The following TNS3 variants were observed in gnomAD, a reference collection of about 807,000 sequenced individuals.
TNS3 encodes tensin 3.
A neutral mutation model predicts 140.9 loss-of-function variants in TNS3; 45 were observed. The observed-to-expected ratio is 0.32, with a 90% confidence interval of 0.25 to 0.41. The LOEUF is 0.41. Among genes scored for constraint, TNS3 ranks in the 10% least tolerant of loss-of-function variants. TNS3 has a pLI of 1.00. For missense variants in TNS3, 1,716 were observed against 1,906.7 expected (o/e 0.90, Z 1.86); for synonymous variants, 815 against 788.4 (o/e 1.03, Z -0.56).
At chr7:47,541,670 C>T (rs1029481809) in intron 1 of TNS3, among the ~76,000 whole-genome samples, 2 of 152,024 alleles carry the variant, frequency 1.3e-5, no homozygotes, top group Non-Finnish European at 2.9e-5. Context: ...TGACCGAGGC[C>T]GGGCGCAGTG....
chr7:47,337,256 T>C (rs551965775), intron 20 of TNS3, among the ~76,000 whole-genome samples: 7 of 152,360 alleles, frequency 4.6e-5, no homozygotes, highest in Non-Finnish European at 8.8e-5. Flanking sequence ...CCTGTTGCAA[T>C]AATCCTGAAT....
chr7:47,504,133 C>A (rs890503729), intron 3 of TNS3, among the ~76,000 whole-genome samples: 1 of 152,216 alleles, frequency 6.6e-6, no homozygotes. Context: ...CTCCATCCAT[C>A]CACTGAGCTG....
chr7:47,442,145 C>G, intron 4 of TNS3, 90 bp from the exon 5 acceptor site: 1 of 816,746 alleles, frequency 1.2e-6, no homozygotes, highest in Non-Finnish European at 1.7e-6. Context: ...CAATGACAGC[C>G]GTTCCACAGT....
intron 8 of TNS3, among the ~76,000 whole-genome samples, chr7:47,430,131 CTTTT>C (rs34003202): frequency 2.1e-5 from 3 of 141,762 alleles, no homozygotes; most frequent in Non-Finnish European, 1.5e-5. Flanking sequence ...CTTTTCTTTT[CTTTT>C]TTTTTTTTTT....
intron 13 of TNS3, among the ~76,000 whole-genome samples, chr7:47,404,941 C>A (rs74850476): frequency 0.04 from 6,030 of 152,176 alleles, 173 homozygotes; most frequent in Non-Finnish European, 0.06. Context: ...CTGGACTGGA[C>A]AAGTTGCTGG....
chr7:47,360,885 G>T (rs1441840705), intron 17 of TNS3, among the ~76,000 whole-genome samples: 1 of 152,078 alleles, frequency 6.6e-6, no homozygotes, highest in Non-Finnish European at 1.5e-5. Context: ...ACGACACCTG[G>T]ACTTTTAGAA....
At chr7:47,413,887 C>G in intron 12 of TNS3, 50 bp downstream of exon 12, 1 of 1,609,242 alleles carries the variant, frequency 6.2e-7, no homozygotes, top group Non-Finnish European at 8.5e-7. Context: ...CTGCAGTTCC[C>G]TGAGCCGTCC....
rs771201580 is a variant in TNS3, at chr7:47,302,231, C to A, written c.3499G>T (p.Asp1167Tyr). ...GCCTTGTACCAGAACTTGGAAGTGT[C>A]TTGAACAAATTTCACGATCACAAGT... ...DKLVIVKFVQ[D>Y]TSKFWYKADI... Residue 1167 changes from aspartate (D) to tyrosine (Y), a missense_variant, in exon 23 of 31, where the codon GAC becomes TAC. Asp to Tyr is a radical substitution (Grantham distance 160). Transcript: ENST00000311160. 1.2e-6 allele frequency: 2 copies of A among 1,614,236 alleles called. No homozygotes were observed. Among genetic ancestry groups the A allele is most frequent in the Non-Finnish European group, 1.7e-6 (2 of 1,180,026 alleles).
intron 4 of TNS3, among the ~76,000 whole-genome samples, chr7:47,474,043 G>C (rs568460061): frequency 1.3e-4 from 19 of 151,368 alleles, no homozygotes; most frequent in Non-Finnish European, 2.7e-4. Flanking sequence ...TCCTTGTGTT[G>C]GTTGGTCTTG....
chr7:47,297,285 G>A (rs568951360), intron 23 of TNS3, 72 bp from the exon 24 acceptor site: 33 of 1,513,692 alleles, frequency 2.2e-5, no homozygotes, highest in Non-Finnish European at 2.9e-5. Flanking sequence ...CATAACCTTG[G>A]GTAGGTCCTC....
At chr7:47,340,965 A>G (rs908426950) in intron 20 of TNS3, among the ~76,000 whole-genome samples, 1 of 152,168 alleles carries the variant, frequency 6.6e-6, no homozygotes, top group Non-Finnish European at 1.5e-5. Flanking sequence ...GAATTTTGCC[A>G]AACTCTTTTT....
chr7:47,326,696 T>C (rs868018596), intron 20 of TNS3, among the ~76,000 whole-genome samples: 2 of 152,326 alleles, frequency 1.3e-5, no homozygotes, highest in Middle Eastern at 6.8e-3. Context: ...ATGTCCGTCC[T>C]AACCAGACAA....
intron 20 of TNS3, among the ~76,000 whole-genome samples, chr7:47,318,225 C>T (rs1787524996): frequency 6.6e-6 from 1 of 152,178 alleles, no homozygotes; most frequent in Non-Finnish European, 1.5e-5. Context: ...ACACAATGTC[C>T]CTGAAGTTCT....
At chr7:47,395,503 G>A (rs1252300799) in intron 16 of TNS3, among the ~76,000 whole-genome samples, 2 of 152,230 alleles carry the variant, frequency 1.3e-5, no homozygotes, top group African/African-American at 4.8e-5. Context: ...CAAAAAGTTT[G>A]ATAACTGTTG....
chr7:47,382,066 A>G (rs549700374), intron 16 of TNS3, among the ~76,000 whole-genome samples: 13 of 152,328 alleles, frequency 8.5e-5, no homozygotes, highest in African/African-American at 3.1e-4. Flanking sequence ...CCAGCCTCCT[A>G]CAGGATACAA....
chr7:47,548,545 C>G (rs188325269), intron 1 of TNS3, among the ~76,000 whole-genome samples: 378 of 152,278 alleles, frequency 2.5e-3, no homozygotes, highest in Non-Finnish European at 4.0e-3. Context: ...TTGAACACAC[C>G]ATCTCCTGAT....
chr7:47,343,390 G>C (rs1183005557), intron 20 of TNS3, among the ~76,000 whole-genome samples: 3 of 152,194 alleles, frequency 2.0e-5, no homozygotes, highest in South Asian at 2.1e-4. Flanking sequence ...TGAGTTTGCA[G>C]GCTGTTTCTA....
In TNS3 at chr7:47,415,113, G is replaced by A; in HGVS notation, c.567C>T (p.Pro189=). 6.2e-7 allele frequency: 1 copy of A among 1,611,950 alleles called. No individual in the cohort carries two copies. The highest frequency in any genetic ancestry group is 8.5e-7 in the Non-Finnish European group (1 of 1,179,086). ...ACTCACCTCCACCTGTGTCGAAGTTGGGGGTGCCGTGGAGGATGACAAAAT... is the reference window on the plus strand; with the variant it reads ...ACTCACCTCCACCTGTGTCGAAGTTAGGGGTGCCGTGGAGGATGACAAAAT... ...FLHFVILHGT[P]NFDTGGVCRP... Residue 189 remains proline (P), a synonymous_variant, in exon 11 of 31, where the codon CCC becomes CCT. Transcript: ENST00000311160.
chr7:47,287,160 G>A (rs2099291459), intron 27 of TNS3, among the ~76,000 whole-genome samples: 1 of 151,246 alleles, frequency 6.6e-6, no homozygotes, highest in African/African-American at 2.4e-5. Context: ...CAACATTTCT[G>A]GGAAATCTAT....
Sources: gnomAD v4.1 joint callset for allele counts (sites outside exome capture counted in the v4.1 genomes callset) on GRCh38, gnomAD v4.1.1 for gene constraint, MANE v1.5 for transcripts, NCBI Gene and HGNC (gene_info 2026-07-23, HGNC 2026-07-21) for gene names.